Variants in SLC6A9 observed in about 807,000 individuals in gnomAD.
SLC6A9 encodes the protein sodium- and chloride-dependent glycine transporter 1.
SLC6A9 carries 31 observed loss-of-function variants against 70.9 expected under a neutral mutation model. That is an observed-to-expected ratio of 0.44 (90% CI 0.33 to 0.59). The LOEUF (loss-of-function observed/expected upper bound fraction) is 0.59, where lower values mean the gene tolerates loss of function less well. Among genes scored for constraint, SLC6A9 ranks in the 20% least tolerant of loss-of-function variants. The probability of loss-of-function intolerance (pLI) is 0.04; values close to 1 mark genes in which losing one functional copy is unlikely to be tolerated. For missense variants in SLC6A9, 631 were observed against 845.2 expected (o/e 0.75, Z 3.14); for synonymous variants, 310 against 341.3 (o/e 0.91, Z 1.01).
intron 12 of SLC6A9, 60 bp downstream of exon 12, chr1:44,000,707 A>G: frequency 2.6e-6 from 3 of 1,135,368 alleles, no homozygotes; most frequent in Non-Finnish European, 3.9e-6. Flanking sequence ...CTGGGTCCCA[A>G]GAGATGGACA....
chr1:44,021,317 G>A (rs1487185634), intron 2 of SLC6A9, among the ~76,000 whole-genome samples: 2 of 152,206 alleles, frequency 1.3e-5, no homozygotes, highest in Non-Finnish European at 2.9e-5. Flanking sequence ...GAGCTGCTGA[G>A]GCGTGAGGGA....
Position 43,997,626 on chromosome 1 carries a change from G to A in SLC6A9, c.1821C>T (p.Val607=). 6.2e-7 allele frequency: 1 copy of A among 1,614,040 alleles called. No homozygotes were observed. The highest frequency in any genetic ancestry group is 1.1e-5 in the South Asian group (1 of 91,088). ...GCGCCTTGTCCGGGTGCAGTGGCTGGACCTCGAAGCCGTCCTCAGGAGAGG... is the reference window on the plus strand; with the variant it reads ...GCGCCTTGTCCGGGTGCAGTGGCTGAACCTCGAAGCCGTCCTCAGGAGAGG... The part of the protein sequence containing the change: ...IAPSPEDGFE[V]QPLHPDKAQI... The change falls in exon 14 of 14, where the codon GTC becomes GTT. Residue 607 remains valine, a synonymous_variant. Transcript: ENST00000372310. The surrounding 1 kb of genome is among the most constrained non-coding windows in gnomAD (Gnocchi z 4.4).
At chr1:44,004,345 G>A (rs1407644393) in intron 5 of SLC6A9, among the ~76,000 whole-genome samples, 1 of 150,792 alleles carries the variant, frequency 6.6e-6, no homozygotes, top group Non-Finnish European at 1.5e-5. Flanking sequence ...AACAGGTAGT[G>A]TTTTATATTA....
intron 2 of SLC6A9, among the ~76,000 whole-genome samples, chr1:44,021,083 A>G (rs1302661562): frequency 1.3e-5 from 2 of 152,106 alleles, no homozygotes; most frequent in South Asian, 2.1e-4. Context: ...TGGGTGGAGG[A>G]TTAAAACTGA....
Position 43,997,516 on chromosome 1 carries a change from G to T in SLC6A9, c.*29C>A. The T allele has an allele frequency of 6.3e-7, 1 of 1,596,644 alleles. No individual in the cohort carries two copies. The highest frequency in any genetic ancestry group is 8.6e-7 in the Non-Finnish European group (1 of 1,166,426). Reference sequence around the variant, plus strand: ...TCTCTGCGGTGGGAGCACGGGGTGGGGGTGGGGCCACTCCCCTGGCAGCTG... The same window carrying T: ...TCTCTGCGGTGGGAGCACGGGGTGGTGGTGGGGCCACTCCCCTGGCAGCTG... On this transcript the variant is annotated 3_prime_UTR_variant, in exon 14 of 14. Coordinates refer to ENST00000372310, the MANE Select transcript of SLC6A9 (RefSeq NM_001024845.3). The surrounding 1 kb of genome is among the most constrained non-coding windows in gnomAD (Gnocchi z 4.4).
chr1:44,008,261 A>AGCAG lies in SLC6A9; in HGVS notation c.590+88_590+91dup. The AGCAG allele has an allele frequency of 2.3e-6, 3 of 1,315,258 alleles. 1 individual carries two copies. The highest frequency in any genetic ancestry group is 1.7e-5 in the Admixed American group (1 of 58,518). The allele number at this position is 1,315,258 out of a possible 1,614,324, so 81.5% of individuals were successfully genotyped here. The stretch of plus-strand genomic sequence containing the variant: ...CAGCCCAGCAGCGGGCTGAACCTGC[A>AGCAG]GCAGGCACCCTACTTTGTCTTCAGA... On this transcript the variant is annotated intron_variant, in intron 5 of 13. Coordinates refer to ENST00000372310, the MANE Select transcript of SLC6A9 (RefSeq NM_001024845.3).
chr1:44,017,230 C>T lies in SLC6A9; in HGVS notation c.31-6348G>A, dbSNP rs372900461. 3.7e-5 allele frequency: 56 copies of T among 1,523,478 alleles called. No individual in the cohort carries two copies. In the South Asian group the frequency reaches 4.0e-4, roughly 11 times the overall value. The allele number at this position is 1,523,478 out of a possible 1,614,324, so 94.4% of individuals were successfully genotyped here. A position where few individuals can be genotyped will look rare whatever the true frequency, so the allele number is the denominator to read the frequency against. On this transcript the variant is annotated intron_variant, in intron 2 of 13. Coordinates refer to ENST00000372310, the MANE Select transcript of SLC6A9 (RefSeq NM_001024845.3). ...CAATTACTTTCACCTCATCTCCTCCCGAAGCTCTGCCTACCCGCTCCCCTG... is the reference window on the plus strand; with the variant it reads ...CAATTACTTTCACCTCATCTCCTCCTGAAGCTCTGCCTACCCGCTCCCCTG...
At chr1:44,021,447 G>A (rs1028502861) in intron 2 of SLC6A9, among the ~76,000 whole-genome samples, 2 of 152,210 alleles carry the variant, frequency 1.3e-5, no homozygotes, top group Admixed American at 1.3e-4. Context: ...GGCACTGGCT[G>A]TAGCATCCAG....
At position 43,997,977 on chromosome 1, in the gene SLC6A9, G is replaced by C. The variant is rs775598095; in HGVS notation, c.1585C>G (p.His529Asp). ...VIQYQPITYN[H>D]YQYPGWAVAI... ...ACGGCCCAGCCTGGGTACTGGTAGT[G>C]GTTGTAGGTGATCGGCTGGTACTGG... Residue 529 changes from histidine (H) to aspartate (D), a missense_variant, in exon 13 of 14, where the codon CAC becomes GAC. Transcript: ENST00000372310. This position sits in a 1 kb window ranked among gnomAD's most constrained non-coding sequence, Gnocchi z 4.4. 1.9e-6 allele frequency: 3 copies of C among 1,614,126 alleles called. 1 individual carries two copies. In the South Asian group the frequency reaches 3.3e-5, roughly 18 times the overall value.
intron 1 of SLC6A9, among the ~76,000 whole-genome samples, chr1:44,027,776 G>C (rs1375908102): frequency 6.6e-6 from 1 of 152,228 alleles, no homozygotes; most frequent in Non-Finnish European, 1.5e-5. Flanking sequence ...AGGAGTTCGA[G>C]ACCAGCCTGG....
intron 5 of SLC6A9, among the ~76,000 whole-genome samples, chr1:44,003,748 CA>C (rs34308293): frequency 0.53 from 38,562 of 72,316 alleles, 7,736 homozygotes; most frequent in Non-Finnish European, 0.59. Context: ...AGTCCAATCT[CA>C]AAAAAAAAAA....
chr1:44,011,544 G>A, intron 2 of SLC6A9: 1 of 1,611,394 alleles, frequency 6.2e-7, no homozygotes. Flanking sequence ...GCTGGGGAGG[G>A]GCCCTGGGGA....
intron 3 of SLC6A9, 81 bp downstream of exon 3, chr1:44,010,645 G>A (rs985356860): frequency 1.1e-5 from 15 of 1,399,332 alleles, no homozygotes; most frequent in African/African-American, 2.8e-5. Context: ...GAGTGGGTCT[G>A]TGCCAGGGAG....
At chr1:44,026,126 TG>T (rs1203844229) in intron 1 of SLC6A9, among the ~76,000 whole-genome samples, 3 of 152,268 alleles carry the variant, frequency 2.0e-5, no homozygotes, top group Non-Finnish European at 2.9e-5. Flanking sequence ...TGACCCAGGC[TG>T]GCCTGTGGCT....
chr1:44,015,788 A>C, intron 2 of SLC6A9: 1 of 887,058 alleles, frequency 1.1e-6, no homozygotes, highest in Non-Finnish European at 1.4e-6. Flanking sequence ...ACCCAGCTGC[A>C]GCTCTGATCT....
In SLC6A9 at chr1:44,001,225, G is replaced by A. The variant is rs1371236925; in HGVS notation, c.1274C>T (p.Thr425Ile). 68 of 1,614,206 alleles carry A rather than the reference G, an allele frequency of 4.2e-5. No individual in the cohort carries two copies. Among genetic ancestry groups the A allele is most frequent in the Non-Finnish European group, 5.7e-5 (67 of 1,180,034 alleles). ...VGNEWILQKK[T>I]YVTLGVAVAG... ...CACAGCCACGCCCAAGGTCACATAG[G>A]TCTTTTTCTGCAGGATCCACTCATT... The change falls in exon 10 of 14, where the codon ACC (threonine) becomes ATC (isoleucine). Residue 425 changes from threonine to isoleucine, a missense_variant. By Grantham distance (89) the Thr-to-Ile change is moderately conservative. Transcript: ENST00000372310.
intron 4 of SLC6A9, 82 bp from the exon 5 acceptor site, chr1:44,008,705 CTTTTCTTTTT>C (rs899921495): frequency 6.7e-5 from 76 of 1,131,482 alleles, no homozygotes; most frequent in Non-Finnish European, 8.7e-5. Context: ...TTTTTCTTTT[CTTTTCTTTTT>C]TTTTTTTTGA....
intron 2 of SLC6A9, chr1:44,017,286 C>A: frequency 6.8e-7 from 1 of 1,469,876 alleles, no homozygotes; most frequent in Non-Finnish European, 8.9e-7. Flanking sequence ...CCCCATGCAG[C>A]CCAGCACGGG....
intron 2 of SLC6A9, chr1:44,016,970 C>T (rs2086765922): frequency 6.9e-7 from 1 of 1,443,644 alleles, no homozygotes; most frequent in Non-Finnish European, 9.3e-7. Flanking sequence ...CACTCAGCCC[C>T]TCTCCCCATC....
Sources: gnomAD v4.1 joint callset for allele counts (sites outside exome capture counted in the v4.1 genomes callset) on GRCh38, gnomAD v4.1.1 for gene constraint, Gnocchi (gnomAD v3.1) non-coding constraint, MANE v1.5 for transcripts, NCBI Gene and HGNC (gene_info 2026-07-23, HGNC 2026-07-21) for gene names.